The following ESRRG variants were observed in gnomAD, a reference collection of about 807,000 sequenced individuals.
The protein encoded by ESRRG is estrogen related receptor gamma, also known as estrogen-related receptor gamma.
ESRRG carries 13 observed loss-of-function variants against 44.0 expected under a neutral mutation model. That is an observed-to-expected ratio of 0.30 (90% CI 0.19 to 0.47). ESRRG has a LOEUF of 0.47. Among genes scored for constraint, ESRRG ranks in the 20% least tolerant of loss-of-function variants. ESRRG has a pLI of 1.00. For missense variants in ESRRG, 395 were observed against 580.6 expected, an observed-to-expected ratio of 0.68 and a Z score of 3.29; for synonymous variants, 215 against 214.6, an observed-to-expected ratio of 1.00 and a Z score of -0.02.
chr1:216,810,828 ACT>A (rs2094947775), intron 2 of ESRRG, among the ~76,000 whole-genome samples: 3 of 149,270 alleles, frequency 2.0e-5, no homozygotes, highest in East Asian at 2.0e-4. Context: ...CATATATATA[ACT>A]CTATGATATG....
chr1:216,711,891 A>G (rs1023423983), intron 1 of ESRRG, among the ~76,000 whole-genome samples: 1 of 152,320 alleles, frequency 6.6e-6, no homozygotes, highest in African/African-American at 2.4e-5. Flanking sequence ...ATTGTGTTGA[A>G]TCATATGAAA....
At chr1:217,133,094 G>A (rs992674605) in intron 1 of ESRRG, among the ~76,000 whole-genome samples, 2 of 152,242 alleles carry the variant, frequency 1.3e-5, no homozygotes, top group African/African-American at 2.4e-5. Flanking sequence ...CAGAGGCCTA[G>A]CGCGGGAAGG....
intron 1 of ESRRG, among the ~76,000 whole-genome samples, chr1:217,114,667 CTTTTTTTTTTT>C (rs139701773): frequency 1.0e-4 from 11 of 107,254 alleles, no homozygotes; most frequent in African/African-American, 4.1e-4. Flanking sequence ...CAAAAGATTT[CTTTTTTTTTTT>C]TTTTTTTTTT....
intron 2 of ESRRG, among the ~76,000 whole-genome samples, chr1:216,762,104 G>A (rs1311446381): frequency 6.6e-6 from 1 of 152,194 alleles, no homozygotes; most frequent in African/African-American, 2.4e-5. Context: ...GCAAAATGAA[G>A]CTTGGAGGGC....
At chr1:216,633,197 A>G (rs2064589494) in intron 3 of ESRRG, among the ~76,000 whole-genome samples, 1 of 152,226 alleles carries the variant, frequency 6.6e-6, no homozygotes, top group South Asian at 2.1e-4. Flanking sequence ...AGGCAGGCAC[A>G]TTGCATAATC....
intron 2 of ESRRG, among the ~76,000 whole-genome samples, chr1:216,768,307 T>A (rs1487130777): frequency 5.3e-5 from 8 of 152,154 alleles, no homozygotes; most frequent in Non-Finnish European, 8.8e-5. Context: ...GAACAAATGA[T>A]GCTGTAATAT....
intron 2 of ESRRG, among the ~76,000 whole-genome samples, chr1:216,744,587 T>G (rs967687310): frequency 3.9e-5 from 6 of 152,014 alleles, no homozygotes; most frequent in African/African-American, 1.4e-4. Flanking sequence ...CTTTCAAAAT[T>G]TGTCCAACAA....
At chr1:216,515,069 T>G (rs1021539691) in intron 6 of ESRRG, among the ~76,000 whole-genome samples, 1 of 151,924 alleles carries the variant, frequency 6.6e-6, no homozygotes, top group African/African-American at 2.4e-5. Flanking sequence ...ATCTAAAATT[T>G]TCAGGCCATT....
chr1:216,526,263 A>G (rs1197793121), intron 5 of ESRRG, among the ~76,000 whole-genome samples: 1 of 152,140 alleles, frequency 6.6e-6, no homozygotes. Context: ...GGACCTGGGA[A>G]CATGACCTTA....
intron 1 of ESRRG, among the ~76,000 whole-genome samples, chr1:217,121,330 C>A (rs944285337): frequency 6.6e-6 from 1 of 152,130 alleles, no homozygotes; most frequent in Non-Finnish European, 1.5e-5. Context: ...TTGTGCTCTG[C>A]AAAGCAATTT....
At chr1:216,525,621 T>C (rs770334680) in intron 5 of ESRRG, among the ~76,000 whole-genome samples, 2 of 152,124 alleles carry the variant, frequency 1.3e-5, no homozygotes, top group African/African-American at 2.4e-5. Context: ...TGAAATTTGT[T>C]TGGCCATCAA....
intron 2 of ESRRG, among the ~76,000 whole-genome samples, chr1:216,867,163 T>G (rs1253598669): frequency 6.6e-6 from 1 of 152,206 alleles, no homozygotes; most frequent in Non-Finnish European, 1.5e-5. Flanking sequence ...CTTTGCATTA[T>G]GCATATGGGA....
chr1:216,697,248 G>C (rs2080360690), intron 1 of ESRRG, among the ~76,000 whole-genome samples: 1 of 152,172 alleles, frequency 6.6e-6, no homozygotes, highest in Non-Finnish European at 1.5e-5. Context: ...TTACAAGCGT[G>C]AGCCACTGCA....
chr1:216,794,885 T>C (rs2094432952), intron 2 of ESRRG, among the ~76,000 whole-genome samples: 1 of 152,218 alleles, frequency 6.6e-6, no homozygotes, highest in Admixed American at 6.5e-5. Flanking sequence ...TCTAGCCTTC[T>C]TCTCTTCAGG....
chr1:216,907,744 A>G (rs2059845777), intron 2 of ESRRG, among the ~76,000 whole-genome samples: 1 of 152,148 alleles, frequency 6.6e-6, no homozygotes, highest in African/African-American at 2.4e-5. Context: ...CACCTCCCCC[A>G]TCAAATCAAA....
chr1:216,779,760 A>T (rs368003757), intron 2 of ESRRG, among the ~76,000 whole-genome samples: 6 of 150,560 alleles, frequency 4.0e-5, no homozygotes, highest in Admixed American at 3.4e-4. Context: ...ACAAAAGGGA[A>T]GGTGTGATTC....
upstream of ESRRG, among the ~76,000 whole-genome samples, chr1:216,728,095 T>G (rs1049711039): frequency 2.6e-5 from 4 of 152,338 alleles, no homozygotes; most frequent in Non-Finnish European, 4.4e-5. Flanking sequence ...TCCATCATAC[T>G]TACCCTGGTA....
chr1:216,779,136 A>G lies in ESRRG; in HGVS notation c.-13-101645T>C, dbSNP rs1456512810. On this transcript the variant is annotated intron_variant, in intron 2 of 7. Transcript: ENST00000359162. ...TATATATAATTATATATGTAAATATAAATATATATTTATATATATATAAAA... is the reference window on the plus strand; with the variant it reads ...TATATATAATTATATATGTAAATATGAATATATATTTATATATATATAAAA... 4.2e-5 allele frequency among the ~76,000 whole-genome samples: 5 copies of G among 118,158 alleles called. No individual in the cohort carries two copies. In the East Asian group the frequency reaches 1.1e-3, roughly 26 times the overall value. 77.5% of individuals were successfully genotyped at this position (118,158 alleles called of 152,430 possible).
At chr1:216,641,201 G>A (rs2066350746) in intron 3 of ESRRG, among the ~76,000 whole-genome samples, 1 of 152,092 alleles carries the variant, frequency 6.6e-6, no homozygotes. Flanking sequence ...ACAAATGCAG[G>A]GAGCACAGAT....
Sources: gnomAD v4.1 joint callset for allele counts (sites outside exome capture counted in the v4.1 genomes callset) on GRCh38, gnomAD v4.1.1 for gene constraint, MANE v1.5 for transcripts, NCBI Gene and HGNC (gene_info 2026-07-23, HGNC 2026-07-21) for gene names.